GRM1: variants seen among roughly 807,000 people sequenced by gnomAD.
GRM1 encodes metabotropic glutamate receptor 1.
Under a neutral mutation model 90.9 loss-of-function variants are expected in GRM1, and 33 were observed. That is an observed-to-expected ratio of 0.36 (90% CI 0.28 to 0.49). The LOEUF (loss-of-function observed/expected upper bound fraction) is 0.49, where lower values mean the gene tolerates loss of function less well. Ranked by LOEUF, GRM1 falls within the 20% of genes least tolerant of loss-of-function variation. The pLI, the probability that GRM1 is intolerant of heterozygous loss-of-function variation, is 0.99. For missense variants in GRM1, 1,190 were observed against 1,534.3 expected, an observed-to-expected ratio of 0.78 and a Z score of 3.75; for synonymous variants, 700 against 613.2, an observed-to-expected ratio of 1.14 and a Z score of -2.09.
chr6:146,434,119 C>T lies in GRM1; in HGVS notation c.2908C>T (p.Pro970Ser), dbSNP rs772778690. 2.5e-5 allele frequency: 40 copies of T among 1,614,008 alleles called. 1 individual carries two copies. In the South Asian group the frequency reaches 3.7e-4, roughly 15 times the overall value. The stretch of plus-strand genomic sequence containing the variant: ...GGATGCCCAGCCGATTCGCTTTAGC[C>T]CGCCTGGTAGCCCTTCCATGGTGGT... ...EEDAQPIRFSPPGSPSMVVHR... is the reference protein window; with the variant it reads ...EEDAQPIRFSSPGSPSMVVHR... The change falls in exon 8 of 8, where the codon CCG becomes TCG. Residue 970 changes from proline to serine, a missense_variant. Coordinates refer to ENST00000282753, the MANE Select transcript of GRM1 (RefSeq NM_001278064.2).
intron 2 of GRM1, among the ~76,000 whole-genome samples, chr6:146,266,523 C>G (rs180765761): frequency 1.3e-5 from 2 of 152,252 alleles, no homozygotes; most frequent in East Asian, 3.9e-4. Context: ...TCAGTCTTTT[C>G]TTTAATATCA....
At chr6:146,063,331 G>T (rs182965622) in intron 1 of GRM1, among the ~76,000 whole-genome samples, 2 of 152,138 alleles carry the variant, frequency 1.3e-5, no homozygotes, top group Non-Finnish European at 2.9e-5. Flanking sequence ...GTTTTTAATC[G>T]AGTCTCATCA....
chr6:146,355,940 A>G (rs548497868), intron 4 of GRM1, among the ~76,000 whole-genome samples: 38 of 152,346 alleles, frequency 2.5e-4, no homozygotes, highest in Non-Finnish European at 4.4e-4. Context: ...CTTCTAGTCC[A>G]GGAGGACGAG....
Position 146,123,459 on chromosome 6 carries a change from C to T in GRM1, c.701-35889C>T, listed in dbSNP as rs557377495. Among the ~76,000 whole-genome samples, 6 of 152,278 alleles carry T rather than the reference C, an allele frequency of 3.9e-5. No individual in the cohort carries two copies. The East Asian group carries it at 1.2e-3, about 29-fold the overall frequency. On this transcript the variant is annotated intron_variant, in intron 1 of 7. Transcript: ENST00000282753. ...AGGGGCTGCCTCTTCACAAAGGGAC[C>T]AGAAGTTATCTGGAGCACCACTGGA...
intron 3 of GRM1, among the ~76,000 whole-genome samples, chr6:146,347,181 A>G (rs1785215365): frequency 6.6e-6 from 1 of 152,216 alleles, no homozygotes; most frequent in Non-Finnish European, 1.5e-5. Flanking sequence ...AGAACAAACA[A>G]ACATTAAGCT....
rs58070198 is a variant in GRM1 at position 146,343,658 on chromosome 6, T to TTTATTATTA, written c.1187-8574_1187-8566dup. Among the ~76,000 whole-genome samples the TTTATTATTA allele has an allele frequency of 1.3e-3, 191 of 148,446 alleles. 3 individuals carry two copies. Among genetic ancestry groups the TTTATTATTA allele is most frequent in the African/African-American group, 4.2e-3 (166 of 39,556 alleles). ...TTTATTGTTGTTGTTGTTGTTTTTA[T>TTTATTATTA]TTATTATTATTATTATTATTATTAT... On this transcript the variant is annotated intron_variant, in intron 3 of 7. Transcript: ENST00000282753.
chr6:146,099,758 T>C (rs953038554), intron 1 of GRM1, among the ~76,000 whole-genome samples: 1 of 152,230 alleles, frequency 6.6e-6, no homozygotes, highest in African/African-American at 2.4e-5. Context: ...TACTATACAG[T>C]GTCCTTTAAA....
chr6:146,310,403 T>C (rs919273733), intron 3 of GRM1, among the ~76,000 whole-genome samples: 1 of 152,208 alleles, frequency 6.6e-6, no homozygotes, highest in Non-Finnish European at 1.5e-5. Flanking sequence ...ATTAGGTCCT[T>C]TGGTAATAAC....
chr6:146,204,469 G>C (rs1779426910), intron 2 of GRM1, among the ~76,000 whole-genome samples: 1 of 152,064 alleles, frequency 6.6e-6, no homozygotes, highest in Non-Finnish European at 1.5e-5. Context: ...TATTTGCAGG[G>C]CACGGTCTAT....
intron 3 of GRM1, among the ~76,000 whole-genome samples, chr6:146,312,202 A>G (rs1464755580): frequency 5.9e-5 from 9 of 151,866 alleles, no homozygotes; most frequent in African/African-American, 1.7e-4. Context: ...TTAGCCGGGC[A>G]CAGTGGCGGG....
chr6:146,159,236 T>G, intron 1 of GRM1, 112 bp from the exon 2 acceptor site: 1 of 1,271,302 alleles, frequency 7.9e-7, no homozygotes, highest in Non-Finnish European at 1.1e-6. Context: ...ATTTACAAAT[T>G]ATTTGGCAAG....
Position 146,434,393 on chromosome 6 carries a change from G to C in GRM1, c.3182G>C (p.Gly1061Ala). The C allele has an allele frequency of 6.2e-7, 1 of 1,613,402 alleles. No homozygotes were observed. Among genetic ancestry groups the C allele is most frequent in the Non-Finnish European group, 8.5e-7 (1 of 1,179,724 alleles). The change falls in exon 8 of 8, where the codon GGG becomes GCG. Residue 1061 changes from glycine (G) to alanine (A), a missense_variant. Gly to Ala is a moderately conservative substitution (Grantham distance 60). This residue lies in a region of GRM1 where 400 missense variants were observed against 360.8 expected (regional missense o/e 1.11). Coordinates refer to ENST00000282753, the MANE Select transcript of GRM1 (RefSeq NM_001278064.2). ...VLAGPGGPGN[G>A]LRSLYPPPPP... Reference sequence around the variant, plus strand: ...GCAGGCCCCGGTGGTCCCGGGAACGGGCTGCGGTCCCTGTACCCGCCCCCG... The same window carrying C: ...GCAGGCCCCGGTGGTCCCGGGAACGCGCTGCGGTCCCTGTACCCGCCCCCG...
intron 1 of GRM1, among the ~76,000 whole-genome samples, chr6:146,044,485 C>A (rs974723724): frequency 2.0e-5 from 3 of 151,874 alleles, no homozygotes; most frequent in African/African-American, 4.8e-5. Context: ...GCCTTAAGGG[C>A]AACATGATGT....
chr6:146,276,854 A>C (rs888628948), intron 2 of GRM1, among the ~76,000 whole-genome samples: 1 of 152,144 alleles, frequency 6.6e-6, no homozygotes, highest in Non-Finnish European at 1.5e-5. Context: ...TAATCCCAGC[A>C]CTTTGGGAAG....
At chr6:146,034,120 T>A (rs1790800710) in intron 1 of GRM1, among the ~76,000 whole-genome samples, 2 of 152,026 alleles carry the variant, frequency 1.3e-5, no homozygotes, top group African/African-American at 4.8e-5. Flanking sequence ...GTGATTAGGG[T>A]TTCTAATTAG....
rs565866225 is a variant in GRM1, at chr6:146,340,070, G to A, written c.1187-12180G>A. 1.5e-3 allele frequency among the ~76,000 whole-genome samples: 230 copies of A among 152,320 alleles called. 1 individual carries two copies. The highest frequency in any genetic ancestry group is 6.8e-3 in the Middle Eastern group (2 of 294). Reference sequence around the variant, plus strand: ...GACTCAGCAGTCGTTGAGGCATAAGGAAATCATTTCTGCCTTCACTTTAGA... The same window carrying A: ...GACTCAGCAGTCGTTGAGGCATAAGAAAATCATTTCTGCCTTCACTTTAGA... On this transcript the variant is annotated intron_variant, in intron 3 of 7. Transcript: ENST00000282753.
chr6:146,146,735 C>T (rs1433047137), intron 1 of GRM1, among the ~76,000 whole-genome samples: 2 of 152,148 alleles, frequency 1.3e-5, no homozygotes, highest in African/African-American at 2.4e-5. Flanking sequence ...ATGTGATGCC[C>T]TGTGCCAACT....
At chr6:146,131,203 C>A (rs917991947) in intron 1 of GRM1, among the ~76,000 whole-genome samples, 1 of 152,158 alleles carries the variant, frequency 6.6e-6, no homozygotes, top group Non-Finnish European at 1.5e-5. Context: ...TGTCATTGAG[C>A]AGTGGCTGAT....
At chr6:146,179,608 G>C (rs1353755362) in intron 2 of GRM1, among the ~76,000 whole-genome samples, 1 of 152,170 alleles carries the variant, frequency 6.6e-6, no homozygotes, top group Non-Finnish European at 1.5e-5. Context: ...CCGTCTCCCG[G>C]GTTCACGCCA....
Sources: gnomAD v4.1 joint callset for allele counts (sites outside exome capture counted in the v4.1 genomes callset) on GRCh38, gnomAD v4.1.1 for gene constraint, gnomAD v4.1.1 regional missense constraint, MANE v1.5 for transcripts, NCBI Gene and HGNC (gene_info 2026-07-23, HGNC 2026-07-21) for gene names.